RALGPS1: variants seen among roughly 807,000 people sequenced by gnomAD.
The protein encoded by RALGPS1 is Ral GEF with PH domain and SH3 binding motif 1.
In RALGPS1, 19 loss-of-function variants were observed where a neutral mutation model predicts 78.8. The ratio of observed to expected loss-of-function variants is 0.24; its 90% CI spans 0.17 to 0.35. The LOEUF (loss-of-function observed/expected upper bound fraction) is 0.35, where lower values mean the gene tolerates loss of function less well. RALGPS1 is among the 10% of genes least tolerant of loss of function. The probability of loss-of-function intolerance (pLI) is 1.00; values close to 1 mark genes in which losing one functional copy is unlikely to be tolerated. For missense variants in RALGPS1, 454 were observed against 688.3 expected (o/e 0.66, Z 3.81); for synonymous variants, 228 against 256.3 (o/e 0.89, Z 1.06).
chr9:126,993,500 C>T (rs989137178), intron 4 of RALGPS1, among the ~76,000 whole-genome samples: 2 of 150,070 alleles, frequency 1.3e-5, no homozygotes, highest in Non-Finnish European at 3.0e-5. Flanking sequence ...CCAGTAGAGC[C>T]ACCTAGGTCT....
In RALGPS1 at chr9:127,027,310, C is replaced by T. The variant is rs575891293; in HGVS notation, c.217-7121C>T. Among the ~76,000 whole-genome samples, 12 of 152,236 alleles carry T rather than the reference C, an allele frequency of 7.9e-5. 1 individual carries two copies. The highest frequency in any genetic ancestry group is 1.2e-4 in the African/African-American group (5 of 41,540). On this transcript the variant is annotated intron_variant, in intron 4 of 18. Transcript: ENST00000259351. ...GCATATGTCAGGTGTCATTTGAACA[C>T]GCAACCTGTTTTGAACTTAATATGG...
intron 4 of RALGPS1, among the ~76,000 whole-genome samples, chr9:127,016,099 C>T (rs2044796246): frequency 6.6e-6 from 1 of 151,948 alleles, no homozygotes; most frequent in East Asian, 1.9e-4. Context: ...CCCAGGCTCC[C>T]TCCTTCCCTG....
chr9:126,923,755 C>T (rs982800486), intron 1 of RALGPS1, among the ~76,000 whole-genome samples: 1 of 152,180 alleles, frequency 6.6e-6, no homozygotes, highest in Non-Finnish European at 1.5e-5. Context: ...CTACAGCCTT[C>T]AGCTCATGGC....
At chr9:127,068,767 A>T (rs1251946725) in intron 7 of RALGPS1, among the ~76,000 whole-genome samples, 2 of 152,214 alleles carry the variant, frequency 1.3e-5, no homozygotes, top group South Asian at 2.1e-4. Flanking sequence ...GGCTTATCCC[A>T]TAGGCATTGT....
At chr9:126,951,937 A>G (rs2037863393) in intron 1 of RALGPS1, among the ~76,000 whole-genome samples, 1 of 152,236 alleles carries the variant, frequency 6.6e-6, no homozygotes, top group African/African-American at 2.4e-5. Context: ...TCTGAGCCCA[A>G]AATCTCCTTA....
At chr9:126,952,660 T>A (rs865845645) in intron 1 of RALGPS1, among the ~76,000 whole-genome samples, 225 of 100,808 alleles carry the variant, frequency 2.2e-3, no homozygotes, top group Non-Finnish European at 3.8e-3. Context: ...AGAGAGAGTG[T>A]GTGTGTGTGT....
At chr9:127,012,011 C>T (rs899225098) in intron 4 of RALGPS1, among the ~76,000 whole-genome samples, 15 of 152,296 alleles carry the variant, frequency 9.8e-5, no homozygotes, top group African/African-American at 2.6e-4. Context: ...GTTTGCCTTC[C>T]GACTAGACGG....
At chr9:127,194,537 C>T (rs552817955) in intron 11 of RALGPS1, among the ~76,000 whole-genome samples, 7 of 152,298 alleles carry the variant, frequency 4.6e-5, no homozygotes, top group East Asian at 3.9e-4. Context: ...CTCAGCCTCC[C>T]GAGTAGCTGG....
intron 14 of RALGPS1, chr9:127,210,547 G>T: frequency 1.6e-6 from 1 of 628,406 alleles, no homozygotes; most frequent in Non-Finnish European, 2.8e-6. Context: ...GTGTGGCCGA[G>T]GAGGCTGGGG....
At chr9:126,982,617 G>C (rs1394327747) in intron 4 of RALGPS1, among the ~76,000 whole-genome samples, 1 of 152,072 alleles carries the variant, frequency 6.6e-6, no homozygotes, top group Non-Finnish European at 1.5e-5. Context: ...TGTTGTGGCT[G>C]TGACTGTGGT....
intron 4 of RALGPS1, among the ~76,000 whole-genome samples, chr9:126,983,540 T>G (rs2041520512): frequency 6.6e-6 from 1 of 152,210 alleles, no homozygotes; most frequent in Non-Finnish European, 1.5e-5. Context: ...GCAATAATTC[T>G]TTAGGATCAA....
intron 8 of RALGPS1, chr9:127,070,004 T>G (rs1022607302): frequency 6.6e-5 from 10 of 152,206 alleles, no homozygotes; most frequent in Admixed American, 6.5e-4. Flanking sequence ...CTCTCCAATA[T>G]TGACCATTTA....
At chr9:127,204,831 T>C (rs2061845748) in intron 14 of RALGPS1, among the ~76,000 whole-genome samples, 1 of 152,174 alleles carries the variant, frequency 6.6e-6, no homozygotes, top group Non-Finnish European at 1.5e-5. Flanking sequence ...AAACTGAGTT[T>C]TAAAAGACAC....
intron 1 of RALGPS1, among the ~76,000 whole-genome samples, chr9:126,937,427 A>G (rs2036366323): frequency 6.6e-6 from 1 of 152,230 alleles, no homozygotes. Flanking sequence ...ATAAGGGTTC[A>G]GTTTTGACTA....
chr9:127,003,172 G>A (rs966289618), intron 4 of RALGPS1, among the ~76,000 whole-genome samples: 16 of 152,108 alleles, frequency 1.1e-4, no homozygotes, highest in Non-Finnish European at 1.8e-4. Context: ...AACACCAAAA[G>A]CAATGGCAAC....
intron 8 of RALGPS1, among the ~76,000 whole-genome samples, chr9:127,080,301 T>G (rs1340360683): frequency 6.6e-6 from 1 of 152,240 alleles, no homozygotes; most frequent in East Asian, 1.9e-4. Flanking sequence ...CCACTCATTC[T>G]TTTAAAAACT....
Position 126,947,092 on chromosome 9 carries a change from A to G in RALGPS1, c.-65-15133A>G, listed in dbSNP as rs1006284246. ...TCAGAGAAATGCATATTCCTCATTC[A>G]CATTTGTTTCATTGCCTCCCCTTCA... On this transcript the variant is annotated intron_variant, in intron 1 of 18. Coordinates refer to ENST00000259351, the MANE Select transcript of RALGPS1 (RefSeq NM_014636.3). 2.6e-5 allele frequency among the ~76,000 whole-genome samples: 4 copies of G among 152,132 alleles called. No individual in the cohort carries two copies. In the South Asian group the frequency reaches 6.2e-4, roughly 24 times the overall value.
chr9:127,111,821 A>G (rs892493580), intron 8 of RALGPS1, among the ~76,000 whole-genome samples: 2 of 152,250 alleles, frequency 1.3e-5, no homozygotes, highest in African/African-American at 4.8e-5. Flanking sequence ...ACCAGGGCTC[A>G]ACCCTGGTCT....
intron 8 of RALGPS1, chr9:127,088,450 T>C (rs1294445213): frequency 6.0e-6 from 1 of 167,340 alleles, no homozygotes; most frequent in Non-Finnish European, 1.3e-5. Context: ...GAAATGCTTT[T>C]CTCCTAAGAG....
Sources: allele counts gnomAD v4.1 joint callset (sites outside exome capture counted in the v4.1 genomes callset), GRCh38; gene constraint gnomAD v4.1.1; transcripts MANE v1.5; gene names NCBI Gene and HGNC (gene_info 2026-07-23, HGNC 2026-07-21).